The following HSPG2 variants were observed in gnomAD, a reference collection of about 807,000 sequenced individuals.
HSPG2 encodes heparan sulfate proteoglycan 2.
A neutral mutation model predicts 526.6 loss-of-function variants in HSPG2; 278 were observed. The ratio of observed to expected loss-of-function variants is 0.53; its 90% CI spans 0.48 to 0.58. HSPG2 has a LOEUF of 0.58. HSPG2 is among the 20% of genes least tolerant of loss of function. HSPG2 has a pLI of 0.00. For missense variants in HSPG2, 5,354 were observed against 6,099.5 expected (o/e 0.88, Z 4.07); for synonymous variants, 2,465 against 2,555.4 (o/e 0.96, Z 1.07).
At position 21,880,500 on chromosome 1, in the gene HSPG2, C is replaced by T; in HGVS notation, c.2058G>A (p.Leu686=). ...GGATGAGCACGGCCTCCAGGCTCTG[C>T]AGCACCTGCAGCAGCTCCGCGCGCT... ...PVQRAELLQV[L]QSLEAVLIQT... is the part of the protein sequence containing the mutation. The change falls in exon 16 of 97, where the codon CTG becomes CTA. Residue 686 remains leucine, a synonymous_variant. Transcript: ENST00000374695. 1.2e-6 allele frequency: 2 copies of T among 1,613,718 alleles called. No homozygotes were observed. Among genetic ancestry groups the T allele is most frequent in the Non-Finnish European group, 1.7e-6 (2 of 1,180,002 alleles).
intron 65 of HSPG2, 58 bp from the exon 66 acceptor site, chr1:21,843,496 C>T (rs2098057992): frequency 1.3e-6 from 2 of 1,557,306 alleles, no homozygotes; most frequent in Middle Eastern, 1.7e-4. Flanking sequence ...GATGCCCAGG[C>T]CTCTGGTACC....
At position 21,850,459 on chromosome 1, in the gene HSPG2, CG is replaced by C; in HGVS notation, c.7197del (p.Ala2400ProfsTer17). On this transcript the variant is annotated frameshift_variant, in exon 56 of 97. Coordinates refer to ENST00000374695, the MANE Select transcript of HSPG2 (RefSeq NM_005529.7). LOFTEE classifies it high-confidence loss of function. The stretch of plus-strand genomic sequence containing the variant: ...CGGCACACGTACTCGCCCGAGTCGG[CG>C]GGGGACGCTTGGTAGAGTCTCAGCA... ...GSLLRLYQAS[P>X]ADSGEYVCRV... The C allele has an allele frequency of 6.2e-7, 1 of 1,612,042 alleles. No individual in the cohort carries two copies. Among genetic ancestry groups the C allele is most frequent in the Non-Finnish European group, 8.5e-7 (1 of 1,179,346 alleles).
Position 21,848,579 on chromosome 1 carries a change from C to G in HSPG2, c.7737+64G>C. The G allele has an allele frequency of 6.4e-7, 1 of 1,566,894 alleles. No individual in the cohort carries two copies. The highest frequency in any genetic ancestry group is 8.8e-7 in the Non-Finnish European group (1 of 1,139,770). ...AGCACAGAGTGAGGTGCTGAGAGTCCCCCCTCTTCCCATTGGGGGCTGGTG... is the reference window on the plus strand; with the variant it reads ...AGCACAGAGTGAGGTGCTGAGAGTCGCCCCTCTTCCCATTGGGGGCTGGTG... On this transcript the variant is annotated intron_variant, in intron 59 of 96. Coordinates refer to ENST00000374695, the MANE Select transcript of HSPG2 (RefSeq NM_005529.7). The surrounding 1 kb of genome is among the most constrained non-coding windows in gnomAD (Gnocchi z 4.9).
chr1:21,920,332 T>C (rs532278825), intron 1 of HSPG2, among the ~76,000 whole-genome samples: 1 of 152,342 alleles, frequency 6.6e-6, no homozygotes, highest in South Asian at 2.1e-4. Context: ...ACCCTTCTCA[T>C]GCATCACCCC....
intron 80 of HSPG2, 161 bp downstream of exon 80, chr1:21,833,107 A>G (rs1000919130): frequency 2.8e-6 from 2 of 704,392 alleles, no homozygotes; most frequent in African/African-American, 3.5e-5. Context: ...GAGAAGGCAC[A>G]CCAGGGTGGA....
At position 21,855,453 on chromosome 1, in the gene HSPG2, A is replaced by T. The variant is rs766561127; in HGVS notation, c.5855-7T>A. On this transcript the variant is annotated splice_polypyrimidine_tract_variant and splice_region_variant and intron_variant, in intron 46 of 96. Transcript: ENST00000374695. ...ACTCTGGGCCCACCGCCCCCTGCAGACAGAGTCCTGTGAGAACACGCCCTG... is the reference window on the plus strand; with the variant it reads ...ACTCTGGGCCCACCGCCCCCTGCAGTCAGAGTCCTGTGAGAACACGCCCTG... 1.9e-6 allele frequency: 3 copies of T among 1,613,036 alleles called. No individual in the cohort carries two copies. Among genetic ancestry groups the T allele is most frequent in the South Asian group, 2.2e-5 (2 of 90,942 alleles).
chr1:21,936,457 A>G (rs1644491351), intron 1 of HSPG2, among the ~76,000 whole-genome samples: 1 of 151,998 alleles, frequency 6.6e-6, no homozygotes, highest in African/African-American at 2.4e-5. Flanking sequence ...CATTCCACGC[A>G]GTCCAGCAAC....
In HSPG2 at chr1:21,896,242, G is replaced by A; in HGVS notation, c.132C>T (p.Ser44=). ...GGTACGAATGTGTCCAGCGCATTTGGCTTGCTGTGACGGTCTCTATGTCCT... is the reference window on the plus strand; with the variant it reads ...GGTACGAATGTGTCCAGCGCATTTGACTTGCTGTGACGGTCTCTATGTCCT... ...LPEDIETVTA[S]QMRWTHSYLS... The change falls in exon 2 of 97, where the codon AGC becomes AGT. Residue 44 remains serine, a synonymous_variant. Coordinates refer to ENST00000374695, the MANE Select transcript of HSPG2 (RefSeq NM_005529.7). The A allele has an allele frequency of 6.2e-7, 1 of 1,613,978 alleles. No homozygotes were observed. Among genetic ancestry groups the A allele is most frequent in the Admixed American group, 1.7e-5 (1 of 60,026 alleles).
chr1:21,835,022 A>C (rs745549090), intron 76 of HSPG2, 77 bp from the exon 77 acceptor site: 1 of 1,516,662 alleles, frequency 6.6e-7, no homozygotes, highest in Non-Finnish European at 9.0e-7. Context: ...AGACTGCCCA[A>C]GGAAAGGTGA....
At chr1:21,876,079 G>C in intron 23 of HSPG2, 37 bp from the exon 24 acceptor site, 1 of 1,609,956 alleles carries the variant, frequency 6.2e-7, no homozygotes, top group South Asian at 1.1e-5. Flanking sequence ...GCGGAGGCCT[G>C]AATTCGGGCC....
In HSPG2 at chr1:21,839,856, A is replaced by G. The variant is rs779248982; in HGVS notation, c.9675T>C (p.Ala3225=). The G allele has an allele frequency of 6.2e-7, 1 of 1,614,030 alleles. No homozygotes were observed. The highest frequency in any genetic ancestry group is 1.1e-5 in the South Asian group (1 of 91,086). Reference sequence around the variant, plus strand: ...AGCAGCGCAAGGTGGCCGTGTGTCCAGCCTCCACAGTCAGCTCAGCTTCTT... The same window carrying G: ...AGCAGCGCAAGGTGGCCGTGTGTCCGGCCTCCACAGTCAGCTCAGCTTCTT... ...QAEEAELTVE[A]GHTATLRCSA... is the part of the protein sequence containing the mutation. Residue 3225 remains alanine (A), a synonymous_variant, in exon 72 of 97, where the codon GCT becomes GCC. Transcript: ENST00000374695. This position sits in a 1 kb window ranked among gnomAD's most constrained non-coding sequence, Gnocchi z 4.5.
intron 64 of HSPG2, among the ~76,000 whole-genome samples, 199 bp from the exon 65 acceptor site, chr1:21,844,498 T>C (rs572333277): frequency 1.3e-5 from 2 of 152,320 alleles, no homozygotes; most frequent in Admixed American, 6.5e-5. Flanking sequence ...CCCCAGGCAA[T>C]GGCCCCACCA....
chr1:21,855,014 A>G, intron 47 of HSPG2, 31 bp from the exon 48 acceptor site: 5 of 1,608,624 alleles, frequency 3.1e-6, no homozygotes, highest in Non-Finnish European at 4.2e-6. Context: ...CAGCTGCCCC[A>G]GAGGCAGCTG....
chr1:21,846,120 C>T lies in HSPG2; in HGVS notation c.8452G>A (p.Val2818Ile), dbSNP rs1638411538. The change falls in exon 64 of 97, where the codon GTC (valine) becomes ATC (isoleucine). Residue 2818 changes from valine (V) to isoleucine (I), a missense_variant. Physicochemically the swap from Val to Ile is conservative, Grantham distance 29. Transcript: ENST00000374695. ...VTIEASGSSA[V>I]HVPAPGGAPP... ...CAGGGACCCTCACCGGGGACGTGGA[C>T]AGCACTTGAGCCAGAGGCTTCGATG... The T allele has an allele frequency of 1.9e-6, 3 of 1,612,814 alleles. No individual in the cohort carries two copies. Among genetic ancestry groups the T allele is most frequent in the Non-Finnish European group, 2.5e-6 (3 of 1,180,038 alleles).
In HSPG2 at chr1:21,859,743, A is replaced by G; in HGVS notation, c.5183-67T>C. ...CTTTCTCACATCCAGCCCCATGCAC[A>G]AGGACAGCATCCCACTAGGGCAGGG... On this transcript the variant is annotated intron_variant, in intron 41 of 96. Transcript: ENST00000374695. This position sits in a 1 kb window ranked among gnomAD's most constrained non-coding sequence, Gnocchi z 5.3. 1 of 1,585,408 alleles carries G rather than the reference A, an allele frequency of 6.3e-7. No homozygotes were observed. The highest frequency in any genetic ancestry group is 8.6e-7 in the Non-Finnish European group (1 of 1,164,486).
intron 30 of HSPG2, 113 bp downstream of exon 30, chr1:21,873,262 T>A: frequency 1.5e-6 from 2 of 1,318,012 alleles, no homozygotes; most frequent in Non-Finnish European, 2.2e-6. Context: ...ATTTTACAGA[T>A]GAAGAAACAG....
In HSPG2 at chr1:21,873,051, G is replaced by T; in HGVS notation, c.3834C>A (p.Asp1278Glu). 1 of 1,604,528 alleles carries T rather than the reference G, an allele frequency of 6.2e-7. No homozygotes were observed. The highest frequency in any genetic ancestry group is 8.5e-7 in the Non-Finnish European group (1 of 1,179,966). The change falls in exon 31 of 97, where the codon GAC becomes GAA. Residue 1278 changes from aspartate to glutamate, a missense_variant. By Grantham distance (45) the Asp-to-Glu change is conservative. Coordinates refer to ENST00000374695, the MANE Select transcript of HSPG2 (RefSeq NM_005529.7). ...ACTGGCTGCTGACGCTGCCTTGGGG[G>T]TCACAGTTGCAGCCTATGGGCCCTG... ...QVPGPIGCNCDPQGSVSSQCD... is the reference protein window; with the variant it reads ...QVPGPIGCNCEPQGSVSSQCD...
chr1:21,916,047 T>A (rs1275832353), intron 1 of HSPG2, among the ~76,000 whole-genome samples: 1 of 128,382 alleles, frequency 7.8e-6, no homozygotes. Flanking sequence ...CAAGACTCCA[T>A]CTCAAAAAAG....
intron 1 of HSPG2, among the ~76,000 whole-genome samples, chr1:21,929,706 T>C (rs1237651554): frequency 6.6e-6 from 1 of 152,022 alleles, no homozygotes; most frequent in Admixed American, 6.5e-5. Flanking sequence ...CCTGGAACTT[T>C]CCCATCTCAG....
Sources: gnomAD v4.1 joint callset for allele counts (sites outside exome capture counted in the v4.1 genomes callset) on GRCh38, gnomAD v4.1.1 for gene constraint, Gnocchi (gnomAD v3.1) non-coding constraint, MANE v1.5 for transcripts, NCBI Gene and HGNC (gene_info 2026-07-23, HGNC 2026-07-21) for gene names.